The following FBLIM1 variants were observed in gnomAD, a reference collection of about 807,000 sequenced individuals.
FBLIM1 encodes the protein filamin-binding LIM protein 1.
FBLIM1 carries 29 observed loss-of-function variants against 37.4 expected under a neutral mutation model. That is an observed-to-expected ratio of 0.77 (90% CI 0.58 to 1.06). FBLIM1 has a LOEUF of 1.06. Among genes scored for constraint, FBLIM1 ranks in the 50% least tolerant of loss-of-function variants. The pLI is 0.00. For missense variants in FBLIM1, 449 were observed against 505.6 expected, an observed-to-expected ratio of 0.89 and a Z score of 1.07; for synonymous variants, 193 against 199.0, an observed-to-expected ratio of 0.97 and a Z score of 0.25.
chr1:15,769,876 G>A (rs561878384), intron 5 of FBLIM1, among the ~76,000 whole-genome samples: 15 of 151,696 alleles, frequency 9.9e-5, no homozygotes, highest in Admixed American at 7.9e-4. Flanking sequence ...CTTGTGATCC[G>A]CCCACCTCGG....
At chr1:15,781,266 G>T (rs934289164) in intron 8 of FBLIM1, among the ~76,000 whole-genome samples, 2 of 152,060 alleles carry the variant, frequency 1.3e-5, no homozygotes, top group East Asian at 3.9e-4. Context: ...GGTGAGTCAG[G>T]GGAATTTCTT....
chr1:15,780,998 C>A (rs76971383), intron 8 of FBLIM1, among the ~76,000 whole-genome samples: 25 of 152,174 alleles, frequency 1.6e-4, no homozygotes, highest in African/African-American at 5.8e-4. Context: ...GAATAAACCC[C>A]CCCGGTAGTC....
At chr1:15,763,253 A>G (rs2068760297) in intron 1 of FBLIM1, among the ~76,000 whole-genome samples, 1 of 151,644 alleles carries the variant, frequency 6.6e-6, no homozygotes, top group African/African-American at 2.4e-5. Flanking sequence ...TATTTTTAGT[A>G]GAGATGGGGT....
intron 5 of FBLIM1, 126 bp from the exon 6 acceptor site, chr1:15,770,283 T>C (rs960013863): frequency 2.1e-6 from 2 of 971,322 alleles, no homozygotes; most frequent in African/African-American, 1.6e-5. Context: ...ACCCTCTGTA[T>C]TTGTCATTTG....
intron 8 of FBLIM1, among the ~76,000 whole-genome samples, chr1:15,783,569 CTT>C (rs58141962): frequency 9.8e-5 from 8 of 81,272 alleles, no homozygotes; most frequent in African/African-American, 2.9e-4. Flanking sequence ...AACTTACGTT[CTT>C]TTTTTTTTTT....
chr1:15,759,158 G>A (rs1366557915), intron 1 of FBLIM1, among the ~76,000 whole-genome samples: 2 of 152,248 alleles, frequency 1.3e-5, no homozygotes, highest in Admixed American at 1.3e-4. Flanking sequence ...GGAAGCTCCC[G>A]CACAAAAGGC....
chr1:15,761,580 A>G (rs1019790644), intron 1 of FBLIM1, among the ~76,000 whole-genome samples: 1 of 152,206 alleles, frequency 6.6e-6, no homozygotes, highest in Non-Finnish European at 1.5e-5. Context: ...ACTTATAACA[A>G]AGTGTAAAAC....
At chr1:15,761,686 C>G (rs1484978520) in intron 1 of FBLIM1, among the ~76,000 whole-genome samples, 2 of 152,186 alleles carry the variant, frequency 1.3e-5, no homozygotes, top group African/African-American at 4.8e-5. Flanking sequence ...AGTTTTGAAG[C>G]TCTTTCCTAA....
chr1:15,784,823 C>G lies in FBLIM1; in HGVS notation c.*162C>G. The G allele has an allele frequency of 1.8e-6, 1 of 547,602 alleles. No homozygotes were observed. Among genetic ancestry groups the G allele is most frequent in the Non-Finnish European group, 3.3e-6 (1 of 306,628 alleles). 33.9% of individuals were successfully genotyped at this position (547,602 alleles called of 1,614,324 possible). A position where few individuals can be genotyped will look rare whatever the true frequency, so the allele number is the denominator to read the frequency against. On this transcript the variant is annotated 3_prime_UTR_variant, in exon 9 of 9. Coordinates refer to ENST00000375766, the MANE Select transcript of FBLIM1 (RefSeq NM_017556.4). Reference sequence around the variant, plus strand: ...GTCCAGGATACAGTGGGGCTGAGCACCCCCAGGCCTTCCACTCCTCTACCC... The same window carrying G: ...GTCCAGGATACAGTGGGGCTGAGCAGCCCCAGGCCTTCCACTCCTCTACCC...
Position 15,784,796 on chromosome 1 carries a change from C to G in FBLIM1, c.*135C>G. 1.4e-6 allele frequency: 1 copy of G among 720,048 alleles called. No homozygotes were observed. Among genetic ancestry groups the G allele is most frequent in the Non-Finnish European group, 2.3e-6 (1 of 427,814 alleles). 44.6% of individuals were successfully genotyped at this position (720,048 alleles called of 1,614,324 possible). Reference sequence around the variant, plus strand: ...AGACCAGCCTGCAAGCCGGCCCAGCCTGTCCAGGATACAGTGGGGCTGAGC... The same window carrying G: ...AGACCAGCCTGCAAGCCGGCCCAGCGTGTCCAGGATACAGTGGGGCTGAGC... On this transcript the variant is annotated 3_prime_UTR_variant, in exon 9 of 9. Transcript: ENST00000375766.
At chr1:15,781,347 ACT>A (rs2069630563) in intron 8 of FBLIM1, among the ~76,000 whole-genome samples, 1 of 150,396 alleles carries the variant, frequency 6.6e-6, no homozygotes, top group Admixed American at 6.6e-5. Context: ...ACAGAGTGAG[ACT>A]CTGTCTCAAA....
Position 15,784,905 on chromosome 1 carries a change from C to A in FBLIM1, c.*244C>A, listed in dbSNP as rs2069736849. The stretch of plus-strand genomic sequence containing the variant: ...CTTCACCCCCAGAATTCCCTGCTGA[C>A]CCTGCCCCACTTCCAGGGAAAAGCT... On this transcript the variant is annotated 3_prime_UTR_variant, in exon 9 of 9. Coordinates refer to ENST00000375766, the MANE Select transcript of FBLIM1 (RefSeq NM_017556.4). 3 of 386,442 alleles carry A rather than the reference C, an allele frequency of 7.8e-6. No individual in the cohort carries two copies. Among genetic ancestry groups the A allele is most frequent in the Non-Finnish European group, 4.7e-6 (1 of 212,378 alleles). The allele number at this position is 386,442 out of a possible 1,614,324, so 23.9% of individuals were successfully genotyped here. A position where few individuals can be genotyped will look rare whatever the true frequency, so the allele number is the denominator to read the frequency against.
intron 5 of FBLIM1, among the ~76,000 whole-genome samples, chr1:15,770,082 G>A (rs1181534102): frequency 6.6e-6 from 1 of 151,846 alleles, no homozygotes; most frequent in Admixed American, 6.6e-5. Context: ...GAGTAGCTGG[G>A]ACTACGGGGG....
At chr1:15,761,163 G>A (rs1460501676) in intron 1 of FBLIM1, among the ~76,000 whole-genome samples, 2 of 152,186 alleles carry the variant, frequency 1.3e-5, no homozygotes, top group East Asian at 3.8e-4. Flanking sequence ...AAGCCCCACA[G>A]CAGCCCCTGG....
In FBLIM1 at chr1:15,758,804, T is replaced by C. The variant is rs976907047; in HGVS notation, c.-255T>C. ...GAGGCCCAGCGGCTCCGGGCTCCGC[T>C]GGCTCGGGCGTCGGATCGGAGCCGC... On this transcript the variant is annotated 5_prime_UTR_variant, in exon 1 of 9. Transcript: ENST00000375766. The surrounding 1 kb of genome is among the most constrained non-coding windows in gnomAD (Gnocchi z 6.2). 7.3e-5 allele frequency: 9 copies of C among 122,874 alleles called. No individual in the cohort carries two copies. Among genetic ancestry groups the C allele is most frequent in the South Asian group, 5.8e-4 (2 of 3,470 alleles). 7.6% of individuals were successfully genotyped at this position (122,874 alleles called of 1,614,324 possible). A position where few individuals can be genotyped will look rare whatever the true frequency, so the allele number is the denominator to read the frequency against.
intron 8 of FBLIM1, among the ~76,000 whole-genome samples, chr1:15,779,622 T>C (rs1303355508): frequency 2.6e-5 from 4 of 152,076 alleles, no homozygotes; most frequent in Non-Finnish European, 1.5e-5. Context: ...AGTTTGTAGA[T>C]GTGACTGGAG....
intron 7 of FBLIM1, among the ~76,000 whole-genome samples, chr1:15,776,098 G>A (rs1056765812): frequency 1.3e-5 from 2 of 152,042 alleles, no homozygotes; most frequent in Admixed American, 1.3e-4. Context: ...AGCCCAGCAG[G>A]AACTATAGAC....
intron 7 of FBLIM1, among the ~76,000 whole-genome samples, chr1:15,776,013 CA>C (rs1355644178): frequency 2.0e-5 from 3 of 152,144 alleles, no homozygotes; most frequent in Non-Finnish European, 4.4e-5. Flanking sequence ...AAGGAACAGG[CA>C]AAAGGTCAGA....
chr1:15,760,685 C>CT (rs1569687653), intron 1 of FBLIM1, among the ~76,000 whole-genome samples: 1 of 152,098 alleles, frequency 6.6e-6, no homozygotes, highest in Non-Finnish European at 1.5e-5. Flanking sequence ...GCTGCAGCCT[C>CT]TAGCTGGTCT....
Sources: gnomAD v4.1 joint callset for allele counts (sites outside exome capture counted in the v4.1 genomes callset) on GRCh38, gnomAD v4.1.1 for gene constraint, Gnocchi (gnomAD v3.1) non-coding constraint, MANE v1.5 for transcripts, NCBI Gene and HGNC (gene_info 2026-07-23, HGNC 2026-07-21) for gene names.